PHF7: variants seen among roughly 807,000 people sequenced by gnomAD.
The protein encoded by PHF7 is E3 ubiquitin-protein ligase PHF7.
In PHF7, 24 loss-of-function variants were observed where a neutral mutation model predicts 47.5. The ratio of observed to expected loss-of-function variants is 0.51; its 90% CI spans 0.37 to 0.71. PHF7 has a LOEUF of 0.71. Among genes scored for constraint, PHF7 ranks in the 30% least tolerant of loss-of-function variants. PHF7 has a pLI of 0.00. For synonymous variants in PHF7, 156 were observed against 153.8 expected (o/e 1.01, Z -0.11); for missense variants, 361 against 456.8 (o/e 0.79, Z 1.91).
Position 52,414,037 on chromosome 3 carries a change from CT to C in PHF7, c.85del (p.Ser29GlnfsTer18). On this transcript the variant is annotated frameshift_variant, in exon 3 of 11. Transcript: ENST00000327906. LOFTEE classifies it high-confidence loss of function. ...AGGAGGGTAACCCAGAGGAAACCGT[CT>C]TCAGGGCCTGGTAAGAAAGACTGGA... ...KTRRVTQRKPSSGPVCWLCLR... is the reference protein window; with the variant it reads ...KTRRVTQRKPXSGPVCWLCLR... 1 of 1,610,980 alleles carries C rather than the reference CT, an allele frequency of 6.2e-7. No individual in the cohort carries two copies.
At chr3:52,423,056 G>T (rs747596071) in intron 10 of PHF7, 35 bp from the exon 11 acceptor site, 1 of 1,535,262 alleles carries the variant, frequency 6.5e-7, no homozygotes, top group South Asian at 1.1e-5. Context: ...AGAAGCAGAG[G>T]CTTGAGTTTT....
At chr3:52,416,157 T>C (rs1158843346) in intron 4 of PHF7, among the ~76,000 whole-genome samples, 1 of 152,094 alleles carries the variant, frequency 6.6e-6, no homozygotes, top group Non-Finnish European at 1.5e-5. Context: ...ATGTGCATAT[T>C]GGCCATTCAC....
rs1578236635 is a variant in PHF7 at position 52,412,713 on chromosome 3, T to C, written c.-69-98T>C. The C allele has an allele frequency of 6.4e-6, 4 of 624,690 alleles. No homozygotes were observed. In the East Asian group the frequency reaches 1.1e-4, roughly 17 times the overall value. 38.7% of individuals were successfully genotyped at this position (624,690 alleles called of 1,614,324 possible). On this transcript the variant is annotated intron_variant, in intron 1 of 10. Coordinates refer to ENST00000327906, the MANE Select transcript of PHF7 (RefSeq NM_016483.7). The stretch of plus-strand genomic sequence containing the variant: ...GAACAGTCCCTTTTATTCCATCACA[T>C]GGGTTGGGAGGTGAAGTGCACCATT...
chr3:52,412,875 A>T lies in PHF7; in HGVS notation c.-5A>T. On this transcript the variant is annotated 5_prime_UTR_variant, in exon 2 of 11. Transcript: ENST00000327906. ...ATTCAAGAGAGGAGAGAGAGACAGC[A>T]CCGAATGAAGACTGTAAAAGAAAAG... 2 of 1,605,842 alleles carry T rather than the reference A, an allele frequency of 1.2e-6. No individual in the cohort carries two copies. Among genetic ancestry groups the T allele is most frequent in the South Asian group, 1.1e-5 (1 of 90,734 alleles).
rs935565167 is a variant in PHF7 at position 52,413,933 on chromosome 3, G to A, written c.42-63G>A. ...CCATGAATGGCATTTTAAGAGAAAT[G>A]TTAAAAAGGTTATCAACAAGATCCC... On this transcript the variant is annotated intron_variant, in intron 2 of 10. Coordinates refer to ENST00000327906, the MANE Select transcript of PHF7 (RefSeq NM_016483.7). 2.7e-6 allele frequency: 3 copies of A among 1,119,238 alleles called. No homozygotes were observed. In the African/African-American group the frequency reaches 4.6e-5, roughly 17 times the overall value. 69.3% of individuals were successfully genotyped at this position (1,119,238 alleles called of 1,614,324 possible). A position where few individuals can be genotyped will look rare whatever the true frequency, so the allele number is the denominator to read the frequency against.
At chr3:52,417,952 T>G (rs1031898019) in intron 4 of PHF7, among the ~76,000 whole-genome samples, 2 of 152,240 alleles carry the variant, frequency 1.3e-5, no homozygotes, top group African/African-American at 2.4e-5. Flanking sequence ...TCCCTTTTAT[T>G]CATATATAGT....
intron 1 of PHF7, among the ~76,000 whole-genome samples, chr3:52,411,494 A>G (rs1250257179): frequency 6.6e-6 from 1 of 152,234 alleles, no homozygotes; most frequent in African/African-American, 2.4e-5. Flanking sequence ...TGGTTTCTTG[A>G]ACAGTAATTT....
chr3:52,411,627 CCTT>C (rs1034858665), intron 1 of PHF7, among the ~76,000 whole-genome samples: 9 of 152,240 alleles, frequency 5.9e-5, no homozygotes, highest in Non-Finnish European at 1.3e-4. Flanking sequence ...ACCCAGCCCT[CCTT>C]CTAAGAAATG....
chr3:52,422,305 A>G lies in PHF7; in HGVS notation c.764A>G (p.Tyr255Cys). Residue 255 changes from tyrosine to cysteine, a missense_variant, in exon 9 of 11, where the codon TAT becomes TGT. Transcript: ENST00000327906. ...YQHCDAPICL[Y>C]EQGRDSFEDE... The stretch of plus-strand genomic sequence containing the variant: ...CACTGTGATGCCCCCATCTGTCTGT[A>G]TGAACAAGGCAGAGACAGCTTTGAG... 2 of 1,613,070 alleles carry G rather than the reference A, an allele frequency of 1.2e-6. No homozygotes were observed. The highest frequency in any genetic ancestry group is 1.7e-6 in the Non-Finnish European group (2 of 1,178,982).
chr3:52,415,129 A>C (rs1477716469), intron 4 of PHF7, among the ~76,000 whole-genome samples: 1 of 152,222 alleles, frequency 6.6e-6, no homozygotes, highest in Non-Finnish European at 1.5e-5. Flanking sequence ...CAAAGTTGTA[A>C]CATCCTTCCA....
chr3:52,422,893 G>A lies in PHF7; in HGVS notation c.919+12G>A, dbSNP rs752814176. ...TGCTGCAGCCACAGGTGAGGCTGGA[G>A]GGATGGGCCGGCCTCAGAGCAAGGA... On this transcript the variant is annotated intron_variant, in intron 10 of 10. Transcript: ENST00000327906. 4.3e-6 allele frequency: 7 copies of A among 1,614,068 alleles called. No individual in the cohort carries two copies. The Admixed American group carries it at 1.2e-4, about 27-fold the overall frequency.
In PHF7 at chr3:52,423,461, G is replaced by A. The variant is rs1424114092; in HGVS notation, c.*144G>A. The A allele has an allele frequency of 3.3e-6, 2 of 615,046 alleles. No homozygotes were observed. Among genetic ancestry groups the A allele is most frequent in the Non-Finnish European group, 5.8e-6 (2 of 343,934 alleles). The allele number at this position is 615,046 out of a possible 1,614,324, so 38.1% of individuals were successfully genotyped here. Reference sequence around the variant, plus strand: ...ATGAGCCAAGCAAAGAGAAGTCTCAGTGGAGCATGAGGAGGGAGCAGTCCA... The same window carrying A: ...ATGAGCCAAGCAAAGAGAAGTCTCAATGGAGCATGAGGAGGGAGCAGTCCA... On this transcript the variant is annotated 3_prime_UTR_variant, in exon 11 of 11. Transcript: ENST00000327906.
chr3:52,420,385 G>A lies in PHF7; in HGVS notation c.363G>A (p.Leu121=). ...QKDQCLRNFH[L]PCGQERGCLS... ...ATCAGTGCCTCAGAAACTTCCATCTGCCTTGTGGCCAAGAAAGGGGTTGCC... is the reference window on the plus strand; with the variant it reads ...ATCAGTGCCTCAGAAACTTCCATCTACCTTGTGGCCAAGAAAGGGGTTGCC... The change falls in exon 6 of 11, where the codon CTG becomes CTA. Residue 121 remains leucine (L), a synonymous_variant. Transcript: ENST00000327906. 6.2e-7 allele frequency: 1 copy of A among 1,613,978 alleles called. No individual in the cohort carries two copies. The highest frequency in any genetic ancestry group is 8.5e-7 in the Non-Finnish European group (1 of 1,179,834).
chr3:52,419,730 C>G, intron 4 of PHF7, 103 bp from the exon 5 acceptor site: 1 of 767,746 alleles, frequency 1.3e-6, no homozygotes, highest in Non-Finnish European at 2.3e-6. Flanking sequence ...CACACCCGGC[C>G]CAAGCTCTAT....
Position 52,419,902 on chromosome 3 carries a change from A to G in PHF7, c.256A>G (p.Ile86Val), listed in dbSNP as rs751879919. ...RGFHGFLPED[I>V]KKEAARASRK... Reference sequence around the variant, plus strand: ...CTTCCATGGATTTCTGCCTGAAGACATCAAAAAGGAGGCAGCCCGGGCTTC... The same window carrying G: ...CTTCCATGGATTTCTGCCTGAAGACGTCAAAAAGGAGGCAGCCCGGGCTTC... The change falls in exon 5 of 11, where the codon ATC becomes GTC. Residue 86 changes from isoleucine (I) to valine (V), a missense_variant. Coordinates refer to ENST00000327906, the MANE Select transcript of PHF7 (RefSeq NM_016483.7). 2.5e-6 allele frequency: 4 copies of G among 1,609,920 alleles called. No individual in the cohort carries two copies. The highest frequency in any genetic ancestry group is 1.7e-5 in the Admixed American group (1 of 59,694).
intron 4 of PHF7, among the ~76,000 whole-genome samples, chr3:52,418,760 G>A (rs1433834049): frequency 6.6e-6 from 1 of 151,974 alleles, no homozygotes; most frequent in African/African-American, 2.4e-5. Flanking sequence ...GCACCTCAGC[G>A]GCCTCCTCTG....
intron 4 of PHF7, among the ~76,000 whole-genome samples, chr3:52,417,028 T>G (rs1705647305): frequency 1.3e-5 from 2 of 152,178 alleles, no homozygotes; most frequent in South Asian, 4.1e-4. Flanking sequence ...TTTATCCATT[T>G]TTTTCTTTTA....
At chr3:52,421,179 T>C in intron 7 of PHF7, 117 bp downstream of exon 7, 1 of 900,822 alleles carries the variant, frequency 1.1e-6, no homozygotes, top group Non-Finnish European at 1.7e-6. Flanking sequence ...GCTGGAGGCC[T>C]GTATTGAGGG....
intron 3 of PHF7, 121 bp downstream of exon 3, chr3:52,414,169 C>A: frequency 1.5e-6 from 1 of 688,418 alleles, no homozygotes; most frequent in Admixed American, 2.8e-5. Context: ...TTCCTAGATT[C>A]TCTAAGATCT....
Sources: allele counts gnomAD v4.1 joint callset (sites outside exome capture counted in the v4.1 genomes callset), GRCh38; gene constraint gnomAD v4.1.1; transcripts MANE v1.5; gene names NCBI Gene and HGNC (gene_info 2026-07-23, HGNC 2026-07-21).